MEGF11: variants seen among roughly 807,000 people sequenced by gnomAD.
The protein encoded by MEGF11 is multiple EGF like domains 11.
MEGF11 carries 126 observed loss-of-function variants against 146.6 expected under a neutral mutation model. The ratio of observed to expected loss-of-function variants is 0.86; its 90% CI spans 0.74 to 1.00. The LOEUF (loss-of-function observed/expected upper bound fraction) is 1.00, where lower values mean the gene tolerates loss of function less well. Among genes scored for constraint, MEGF11 ranks in the 50% least tolerant of loss-of-function variants. The probability of loss-of-function intolerance (pLI) is 0.00; values close to 1 mark genes in which losing one functional copy is unlikely to be tolerated. For synonymous variants in MEGF11, 532 were observed against 583.4 expected (o/e 0.91, Z 1.27); for missense variants, 1,509 against 1,521.2 (o/e 0.99, Z 0.13).
intron 1 of MEGF11, among the ~76,000 whole-genome samples, chr15:66,211,193 T>TC (rs2091435493): frequency 1.3e-5 from 2 of 152,170 alleles, no homozygotes; most frequent in South Asian, 4.1e-4. Context: ...TTGCATTTTT[T>TC]CCCTCTAAGA....
In MEGF11 at chr15:66,056,360, G is replaced by A. The variant is rs79880694; in HGVS notation, c.394+38042C>T. 8.8e-3 allele frequency among the ~76,000 whole-genome samples: 1,342 copies of A among 152,214 alleles called. 26 individuals carry two copies. The highest frequency in any genetic ancestry group is 0.031 in the African/African-American group (1,293 of 41,508). ...CCTTGTAAAACAGGAGATCAAAATA[G>A]GAGCCCCAGTCAGCATTGTTGTGAG... On this transcript the variant is annotated intron_variant, in intron 5 of 25. Coordinates refer to ENST00000395614, the MANE Select transcript of MEGF11 (RefSeq NM_001385028.1).
rs202152725 is a variant in MEGF11 at position 65,957,633 on chromosome 15, C to T, written c.1201G>A (p.Asp401Asn). The T allele has an allele frequency of 1.2e-5, 19 of 1,613,838 alleles. No homozygotes were observed. The highest frequency in any genetic ancestry group is 2.2e-5 in the East Asian group (1 of 44,888). Residue 401 changes from aspartate to asparagine, a missense_variant, in exon 10 of 26, where the codon GAT becomes AAT. Asp to Asn is a conservative substitution (Grantham distance 23). Transcript: ENST00000395614. ...NESCPVGYYGDGCQLPCTCQN... is the reference protein window; with the variant it reads ...NESCPVGYYGNGCQLPCTCQN... ...CAGGTGCAAGGCAGCTGGCAGCCATCGCCATAGTAGCCAACAGGGCAGGAT... is the reference window on the plus strand; with the variant it reads ...CAGGTGCAAGGCAGCTGGCAGCCATTGCCATAGTAGCCAACAGGGCAGGAT...
chr15:66,019,976 G>A (rs764267068), intron 5 of MEGF11, among the ~76,000 whole-genome samples: 1 of 152,292 alleles, frequency 6.6e-6, no homozygotes, highest in East Asian at 1.9e-4. Context: ...TGGCCACTCC[G>A]GTAAGCACAC....
At chr15:66,158,673 A>G (rs967004594) in intron 1 of MEGF11, among the ~76,000 whole-genome samples, 1 of 152,266 alleles carries the variant, frequency 6.6e-6, no homozygotes, top group Non-Finnish European at 1.5e-5. Context: ...AAGCTTCTCC[A>G]GAATCCTAAT....
At chr15:66,006,998 G>C (rs1239034997) in intron 5 of MEGF11, among the ~76,000 whole-genome samples, 2 of 152,230 alleles carry the variant, frequency 1.3e-5, no homozygotes, top group East Asian at 3.8e-4. Flanking sequence ...CTTTCTATTA[G>C]CCTGGTTTGA....
At chr15:66,086,712 A>G (rs2086123558) in intron 5 of MEGF11, among the ~76,000 whole-genome samples, 1 of 152,258 alleles carries the variant, frequency 6.6e-6, no homozygotes, top group Admixed American at 6.5e-5. Flanking sequence ...GAATCTCTTT[A>G]AAGTATAAAT....
intron 5 of MEGF11, among the ~76,000 whole-genome samples, chr15:65,991,565 C>T (rs941151792): frequency 6.6e-5 from 10 of 152,160 alleles, no homozygotes; most frequent in South Asian, 2.1e-4. Context: ...AGTACCTCCC[C>T]GACACACATA....
chr15:66,064,926 C>T (rs1039385716), intron 5 of MEGF11, among the ~76,000 whole-genome samples: 4 of 152,198 alleles, frequency 2.6e-5, no homozygotes, highest in African/African-American at 9.7e-5. Flanking sequence ...CACTGTGAGT[C>T]AGAGCCTGGA....
chr15:65,976,383 G>A (rs1051753494), intron 7 of MEGF11, among the ~76,000 whole-genome samples: 1 of 152,172 alleles, frequency 6.6e-6, no homozygotes, highest in African/African-American at 2.4e-5. Flanking sequence ...ACCTCAGAAT[G>A]TGACTGTATT....
chr15:66,238,314 G>C (rs2092139209), intron 1 of MEGF11, among the ~76,000 whole-genome samples: 1 of 152,210 alleles, frequency 6.6e-6, no homozygotes. Context: ...CCTAAACCTG[G>C]AGTTTGCTAA....
At chr15:66,036,444 G>A (rs1022097928) in intron 5 of MEGF11, among the ~76,000 whole-genome samples, 9 of 152,074 alleles carry the variant, frequency 5.9e-5, no homozygotes, top group South Asian at 2.1e-4. Context: ...TCATTTTCAC[G>A]GCCACACAGC....
intron 5 of MEGF11, among the ~76,000 whole-genome samples, chr15:65,989,437 C>T (rs1226105943): frequency 6.6e-6 from 1 of 152,188 alleles, no homozygotes; most frequent in African/African-American, 2.4e-5. Flanking sequence ...AGGTCTGTGG[C>T]CCCCAATCTT....
At chr15:66,168,979 C>T (rs573347650) in intron 1 of MEGF11, among the ~76,000 whole-genome samples, 33 of 152,314 alleles carry the variant, frequency 2.2e-4, no homozygotes, top group African/African-American at 7.2e-4. Context: ...CAGAGTGAGA[C>T]TCCAACTCAA....
chr15:66,217,954 T>C (rs2091628250), intron 1 of MEGF11, among the ~76,000 whole-genome samples: 1 of 152,142 alleles, frequency 6.6e-6, no homozygotes, highest in South Asian at 2.1e-4. Context: ...TTGTGGGAAA[T>C]TCGGTGTCCT....
chr15:66,001,804 G>A (rs951846201), intron 5 of MEGF11, among the ~76,000 whole-genome samples: 13 of 152,232 alleles, frequency 8.5e-5, no homozygotes, highest in African/African-American at 2.9e-4. Context: ...GGGCCTCCCC[G>A]AAGTGTGGGG....
intron 4 of MEGF11, among the ~76,000 whole-genome samples, chr15:66,117,766 C>T (rs577838180): frequency 4.0e-4 from 61 of 152,252 alleles, no homozygotes; most frequent in African/African-American, 1.4e-3. Flanking sequence ...TTACCCCATC[C>T]CAGGTGAGGT....
chr15:66,240,522 C>T (rs1050901705), intron 1 of MEGF11, among the ~76,000 whole-genome samples: 1 of 152,210 alleles, frequency 6.6e-6, no homozygotes, highest in Non-Finnish European at 1.5e-5. Flanking sequence ...TCTAATACGC[C>T]CATGGGGACT....
At chr15:65,900,010 CTGTT>C (rs754867070) in intron 24 of MEGF11, among the ~76,000 whole-genome samples, 10 of 152,248 alleles carry the variant, frequency 6.6e-5, no homozygotes, top group East Asian at 5.8e-4. Context: ...GTACCATTCT[CTGTT>C]TGGGGAAGAT....
chr15:66,224,068 AC>A (rs1205876897), intron 1 of MEGF11, among the ~76,000 whole-genome samples: 9 of 152,300 alleles, frequency 5.9e-5, no homozygotes, highest in African/African-American at 2.2e-4. Flanking sequence ...ACACTTTGCT[AC>A]TTCAAGACAT....
Sources: gnomAD v4.1 joint callset for allele counts (sites outside exome capture counted in the v4.1 genomes callset) on GRCh38, gnomAD v4.1.1 for gene constraint, MANE v1.5 for transcripts, NCBI Gene and HGNC (gene_info 2026-07-23, HGNC 2026-07-21) for gene names.